TIPRL: variants seen among roughly 807,000 people sequenced by gnomAD.
TIPRL encodes TOR signaling pathway regulator.
Under a neutral mutation model 32.3 loss-of-function variants are expected in TIPRL, and 10 were observed. That is an observed-to-expected ratio of 0.31 (90% confidence interval 0.19 to 0.52). The LOEUF (loss-of-function observed/expected upper bound fraction) is 0.52, where lower values mean the gene tolerates loss of function less well. Among genes scored for constraint, TIPRL ranks in the 20% least tolerant of loss-of-function variants. The pLI, the probability that TIPRL is intolerant of heterozygous loss-of-function variation, is 0.96. For missense variants in TIPRL, 250 were observed against 328.1 expected (o/e 0.76, Z 1.84); for synonymous variants, 100 against 114.0 (o/e 0.88, Z 0.78).
chr1:168,186,074 CAAAAAAAAAAAA>C (rs56699636), intron 3 of TIPRL, among the ~76,000 whole-genome samples: 8 of 56,056 alleles, frequency 1.4e-4, no homozygotes, highest in South Asian at 1.9e-3. Flanking sequence ...GACTCCGTCT[CAAAAAAAAAAAA>C]AAAAAAAAAA....
chr1:168,179,249 C>A, intron 1 of TIPRL, 68 bp downstream of exon 1: 2 of 1,388,162 alleles, frequency 1.4e-6, no homozygotes, highest in Non-Finnish European at 2.0e-6. Flanking sequence ...GCAGGGCGAA[C>A]TCTGTGCAGC....
chr1:168,194,898 A>C (rs1700136018), intron 4 of TIPRL, among the ~76,000 whole-genome samples: 1 of 152,232 alleles, frequency 6.6e-6, no homozygotes, highest in Non-Finnish European at 1.5e-5. Flanking sequence ...TGGAAACATA[A>C]ATGAAGATAG....
chr1:168,183,845 A>G, intron 1 of TIPRL, 57 bp from the exon 2 acceptor site: 1 of 1,566,896 alleles, frequency 6.4e-7, no homozygotes, highest in Non-Finnish European at 8.7e-7. Context: ...ATGGAAAAGA[A>G]ACAAAAATGC....
intron 4 of TIPRL, chr1:168,192,164 G>T: frequency 6.8e-7 from 1 of 1,461,572 alleles, no homozygotes; most frequent in Non-Finnish European, 9.1e-7. Context: ...TGATCCATGT[G>T]TTATGATTTC....
rs759992722 is a variant in TIPRL at position 168,191,428 on chromosome 1, G to A, written c.444G>A (p.Lys148=). ...TEKLKAREQI[K]FFEEVLLFED... is the part of the protein sequence containing the mutation. ...AATTGAAAGCCAGAGAACAGATTAA[G>A]TTTTTTGAAGAAGTTCTCCTTTTTG... The change falls in exon 4 of 7, where the codon AAG becomes AAA. Residue 148 remains lysine (K), a synonymous_variant. Transcript: ENST00000367833. The A allele has an allele frequency of 6.5e-7, 1 of 1,532,134 alleles. No individual in the cohort carries two copies. Among genetic ancestry groups the A allele is most frequent in the East Asian group, 2.5e-5 (1 of 39,764 alleles). The allele number at this position is 1,532,134 out of a possible 1,614,324, so 94.9% of individuals were successfully genotyped here. A position where few individuals can be genotyped will look rare whatever the true frequency, so the allele number is the denominator to read the frequency against.
intron 1 of TIPRL, among the ~76,000 whole-genome samples, chr1:168,183,080 G>A (rs1699987135): frequency 6.6e-6 from 1 of 152,068 alleles, no homozygotes; most frequent in South Asian, 2.1e-4. Flanking sequence ...TACAATGTGT[G>A]TCCAGTTTTT....
rs570495948 is a variant in TIPRL at position 168,193,242 on chromosome 1, G to A, written c.516+1742G>A. On this transcript the variant is annotated intron_variant, in intron 4 of 6. Transcript: ENST00000367833. ...TAAAAATAAAATTAGTTTTTTCGGT[G>A]GAATCAAAGGATTTTGAAATTGTAG... is the stretch of plus-strand genomic sequence containing the variant. Among the ~76,000 whole-genome samples the A allele has an allele frequency of 2.6e-4, 40 of 151,868 alleles. 1 individual carries two copies. Among genetic ancestry groups the A allele is most frequent in the African/African-American group, 9.4e-4 (39 of 41,438 alleles).
intron 1 of TIPRL, among the ~76,000 whole-genome samples, chr1:168,179,477 A>T (rs549639704): frequency 6.6e-6 from 1 of 151,248 alleles, no homozygotes; most frequent in Admixed American, 6.6e-5. Context: ...AGCCTGCACC[A>T]CCTTTCTTTC....
rs1699930340 is a variant in TIPRL at position 168,179,244 on chromosome 1, G to T, written c.104+63G>T. On this transcript the variant is annotated intron_variant, in intron 1 of 6. Coordinates refer to ENST00000367833, the MANE Select transcript of TIPRL (RefSeq NM_152902.5). ...TTGCTGGCCCAGGGCGGGAGGCAGG[G>T]CGAACTCTGTGCAGCCCCTCCCCTT... 20 of 1,480,796 alleles carry T rather than the reference G, an allele frequency of 1.4e-5. 2 individuals are homozygous for T. In the South Asian group the frequency reaches 1.7e-4, roughly 13 times the overall value. The allele number at this position is 1,480,796 out of a possible 1,614,324, so 91.7% of individuals were successfully genotyped here. A position where few individuals can be genotyped will look rare whatever the true frequency, so the allele number is the denominator to read the frequency against.
intron 6 of TIPRL, among the ~76,000 whole-genome samples, chr1:168,199,349 A>AAGATTCTGTACCATAATT (rs1700186624): frequency 1.3e-5 from 2 of 152,040 alleles, no homozygotes; most frequent in South Asian, 4.1e-4. Flanking sequence ...TCTTCCGAAA[A>AAGATTCTGTACCATAATT]TGTGGTGATT....
chr1:168,180,701 G>GA (rs1225451413), intron 1 of TIPRL, among the ~76,000 whole-genome samples: 6 of 150,678 alleles, frequency 4.0e-5, no homozygotes, highest in Admixed American at 1.3e-4. Context: ...TAGACTCACT[G>GA]AAAAAAATTA....
chr1:168,196,528 C>CT lies in TIPRL; in HGVS notation c.517-19_517-18insT. ...TAATTTTTATTAAAATATTAATGTA[C>CT]CTTTTTTTTTTTTTCCAGAGAGTAA... On this transcript the variant is annotated intron_variant, in intron 4 of 6. Transcript: ENST00000367833. The CT allele has an allele frequency of 3.8e-6, 5 of 1,329,640 alleles. No individual in the cohort carries two copies. Among genetic ancestry groups the CT allele is most frequent in the South Asian group, 1.5e-5 (1 of 67,922 alleles). 82.4% of individuals were successfully genotyped at this position (1,329,640 alleles called of 1,614,324 possible).
intron 5 of TIPRL, among the ~76,000 whole-genome samples, chr1:168,196,990 C>T (rs552621104): frequency 3.5e-4 from 53 of 152,276 alleles, no homozygotes; most frequent in Admixed American, 7.2e-4. Context: ...TCCTGATGTA[C>T]ATTAATATAC....
At chr1:168,198,056 A>G (rs149254903) in intron 5 of TIPRL, among the ~76,000 whole-genome samples, 2 of 152,246 alleles carry the variant, frequency 1.3e-5, no homozygotes, top group East Asian at 3.9e-4. Context: ...CATATGGTAT[A>G]AAATATATAA....
At chr1:168,195,952 A>C (rs868049074) in intron 4 of TIPRL, among the ~76,000 whole-genome samples, 1 of 152,160 alleles carries the variant, frequency 6.6e-6, no homozygotes, top group African/African-American at 2.4e-5. Flanking sequence ...CCACCTTCAT[A>C]CTTTCTCCAC....
In TIPRL at chr1:168,200,829, C is replaced by CT. The variant is rs1474179466; in HGVS notation, c.*785dup. 1 of 152,030 alleles carries CT rather than the reference C, an allele frequency of 6.6e-6. No homozygotes were observed. Among genetic ancestry groups the CT allele is most frequent in the African/African-American group, 2.4e-5 (1 of 41,400 alleles). 9.4% of individuals were successfully genotyped at this position (152,030 alleles called of 1,614,324 possible). ...ATGCAACCTCAGAGTGAATAAACCC[C>CT]TTAAATTTGGTGCTGGTTCGAAAAA... On this transcript the variant is annotated 3_prime_UTR_variant, in exon 7 of 7. Transcript: ENST00000367833.
intron 5 of TIPRL, 43 bp from the exon 6 acceptor site, chr1:168,198,876 C>T: frequency 6.6e-7 from 1 of 1,523,036 alleles, no homozygotes; most frequent in Non-Finnish European, 9.0e-7. Context: ...TTTTGTAAAT[C>T]AGTATAATTA....
At chr1:168,184,682 A>T (rs575721055) in intron 2 of TIPRL, 97 bp from the exon 3 acceptor site, 2 of 773,816 alleles carry the variant, frequency 2.6e-6, no homozygotes, top group African/African-American at 3.5e-5. Context: ...ATTTAATAGG[A>T]TATGTTATTA....
intron 3 of TIPRL, among the ~76,000 whole-genome samples, chr1:168,186,293 C>T (rs1487903623): frequency 2.0e-5 from 3 of 151,562 alleles, no homozygotes; most frequent in Admixed American, 6.6e-5. Context: ...GTCAGGAGTT[C>T]GAGACCAGCT....
Sources: gnomAD v4.1 joint callset for allele counts (sites outside exome capture counted in the v4.1 genomes callset) on GRCh38, gnomAD v4.1.1 for gene constraint, MANE v1.5 for transcripts, NCBI Gene and HGNC (gene_info 2026-07-23, HGNC 2026-07-21) for gene names.